The following NPAS3 variants were observed in gnomAD, a reference collection of about 807,000 sequenced individuals.
NPAS3 encodes neuronal PAS domain-containing protein 3.
Under a neutral mutation model 73.1 loss-of-function variants are expected in NPAS3, and 14 were observed. The ratio of observed to expected loss-of-function variants is 0.19; its 90% confidence interval spans 0.13 to 0.30. The LOEUF (loss-of-function observed/expected upper bound fraction) is 0.30. Among genes scored for constraint, NPAS3 ranks in the 10% least tolerant of loss-of-function variants. The pLI, the probability that NPAS3 is intolerant of heterozygous loss-of-function variation, is 1.00. For synonymous variants in NPAS3, 620 were observed against 541.5 expected, an observed-to-expected ratio of 1.14 and a Z score of -2.01; for missense variants, 1,096 against 1,250.0, an observed-to-expected ratio of 0.88 and a Z score of 1.86.
At chr14:33,203,304 T>C (rs1263972567) in intron 2 of NPAS3, among the ~76,000 whole-genome samples, 1 of 152,218 alleles carries the variant, frequency 6.6e-6, no homozygotes, top group African/African-American at 2.4e-5. Context: ...AGTAGGACCA[T>C]GTCTTTTTTT....
intron 5 of NPAS3, among the ~76,000 whole-genome samples, chr14:33,623,517 C>T (rs544155487): frequency 2.6e-4 from 40 of 152,328 alleles, no homozygotes; most frequent in Admixed American, 2.4e-3. Context: ...TCTGTGTTTG[C>T]GTGTCTACTG....
At chr14:33,584,729 T>C (rs1436582730) in intron 5 of NPAS3, among the ~76,000 whole-genome samples, 1 of 152,186 alleles carries the variant, frequency 6.6e-6, no homozygotes, top group Non-Finnish European at 1.5e-5. Flanking sequence ...ATGGAAATAA[T>C]TTGACAGCAT....
intron 3 of NPAS3, among the ~76,000 whole-genome samples, chr14:33,300,735 G>T (rs1273876828): frequency 1.3e-5 from 2 of 152,180 alleles, no homozygotes; most frequent in African/African-American, 4.8e-5. Context: ...TAGGGGAGGG[G>T]TTGGGGGCCT....
chr14:33,311,116 A>G (rs941943895), intron 3 of NPAS3, among the ~76,000 whole-genome samples: 2 of 152,064 alleles, frequency 1.3e-5, no homozygotes, highest in African/African-American at 4.8e-5. Context: ...ACTGAGCTAT[A>G]TGGAGTGTCA....
intron 3 of NPAS3, among the ~76,000 whole-genome samples, chr14:33,339,341 G>A (rs2044367268): frequency 6.6e-6 from 1 of 152,014 alleles, no homozygotes; most frequent in South Asian, 2.1e-4. Context: ...ATTTTCCTGG[G>A]GGTGGGGAAG....
intron 2 of NPAS3, among the ~76,000 whole-genome samples, chr14:33,132,281 G>T (rs1204522251): frequency 2.6e-5 from 4 of 152,116 alleles, no homozygotes; most frequent in Non-Finnish European, 4.4e-5. Flanking sequence ...GAGTGCCTCT[G>T]GTTGTTCTAG....
intron 2 of NPAS3, among the ~76,000 whole-genome samples, chr14:33,131,621 C>A (rs1363883406): frequency 6.6e-6 from 1 of 152,008 alleles, no homozygotes; most frequent in East Asian, 1.9e-4. Context: ...ATCTAATAAT[C>A]CTAGTAATTA....
At chr14:33,027,830 A>C (rs1311503791) in intron 1 of NPAS3, among the ~76,000 whole-genome samples, 1 of 152,208 alleles carries the variant, frequency 6.6e-6, no homozygotes. Flanking sequence ...ACTTGTACTG[A>C]GAGTAATAGG....
chr14:33,205,726 G>A (rs761960809), intron 2 of NPAS3, among the ~76,000 whole-genome samples: 3 of 152,248 alleles, frequency 2.0e-5, no homozygotes, highest in Admixed American at 2.0e-4. Flanking sequence ...GTCAAGTAAA[G>A]CATGTGCTAT....
chr14:33,316,778 G>A (rs1594675034), intron 3 of NPAS3, among the ~76,000 whole-genome samples: 1 of 152,184 alleles, frequency 6.6e-6, no homozygotes, highest in East Asian at 1.9e-4. Flanking sequence ...GAGGCCAGTT[G>A]TGTGCTCTCC....
At chr14:33,609,611 C>T (rs1429609215) in intron 5 of NPAS3, among the ~76,000 whole-genome samples, 1 of 152,066 alleles carries the variant, frequency 6.6e-6, no homozygotes, top group African/African-American at 2.4e-5. Flanking sequence ...GGCTTGGCAA[C>T]ATTAACATTA....
At chr14:33,749,800 G>A (rs2061906486) in intron 7 of NPAS3, among the ~76,000 whole-genome samples, 1 of 152,054 alleles carries the variant, frequency 6.6e-6, no homozygotes, top group South Asian at 2.1e-4. Flanking sequence ...AGGGAGTGAA[G>A]CCCAGAACCA....
intron 2 of NPAS3, among the ~76,000 whole-genome samples, chr14:33,181,988 C>T (rs78342769): frequency 0.012 from 1,766 of 151,922 alleles, 31 homozygotes; most frequent in African/African-American, 0.04. Flanking sequence ...GCTGGCTACC[C>T]CACATATATA....
chr14:33,133,968 A>G (rs1332940052), intron 2 of NPAS3, among the ~76,000 whole-genome samples: 2 of 152,222 alleles, frequency 1.3e-5, no homozygotes, highest in Non-Finnish European at 1.5e-5. Context: ...ATAACTTCAA[A>G]TAGAAAAATT....
chr14:33,439,099 TA>T (rs11341900), intron 4 of NPAS3, among the ~76,000 whole-genome samples: 53,781 of 148,926 alleles, frequency 0.36, 10,290 homozygotes, highest in African/African-American at 0.5. Context: ...TACCTGTCTT[TA>T]AAAAAAAAAA....
intron 5 of NPAS3, among the ~76,000 whole-genome samples, chr14:33,649,134 A>C (rs2058917499): frequency 6.6e-6 from 1 of 152,188 alleles, no homozygotes; most frequent in Non-Finnish European, 1.5e-5. Context: ...CCTATAGGTT[A>C]TGTATTCATT....
intron 4 of NPAS3, among the ~76,000 whole-genome samples, chr14:33,446,173 T>TC (rs1387803440): frequency 2.8e-5 from 3 of 107,670 alleles, no homozygotes; most frequent in African/African-American, 4.6e-5. Context: ...TTTCTTTTTT[T>TC]TTTTTTTTTT....
chr14:32,989,568 CCA>C (rs370670998), intron 1 of NPAS3, among the ~76,000 whole-genome samples: 5,168 of 152,104 alleles, frequency 0.034, 98 homozygotes, highest in Middle Eastern at 0.082. Context: ...GGCGTGAACC[CCA>C]GGGGGCGGAG....
At chr14:33,173,401 T>C (rs1446644433) in intron 2 of NPAS3, among the ~76,000 whole-genome samples, 1 of 152,134 alleles carries the variant, frequency 6.6e-6, no homozygotes, top group Non-Finnish European at 1.5e-5. Context: ...AAAATATCAA[T>C]GGTATAGGAA....
Sources: allele counts gnomAD v4.1 joint callset (sites outside exome capture counted in the v4.1 genomes callset), GRCh38; gene constraint gnomAD v4.1.1; transcripts MANE v1.5; gene names NCBI Gene and HGNC (gene_info 2026-07-23, HGNC 2026-07-21).